Variants in LGSN observed in about 807,000 individuals in gnomAD.
LGSN encodes lengsin, lens protein with glutamine synthetase domain.
A neutral mutation model predicts 19.5 loss-of-function variants in LGSN; 21 were observed. That is an observed-to-expected ratio of 1.07 (90% CI 0.76 to 1.55). The LOEUF is 1.55. LGSN is among the 40% of genes most tolerant of loss of function. The pLI, the probability that LGSN is intolerant of heterozygous loss-of-function variation, is 0.00. For synonymous variants in LGSN, 257 were observed against 215.6 expected (o/e 1.19, Z -1.68); for missense variants, 673 against 608.5 (o/e 1.11, Z -1.12).
At chr6:63,412,575 G>GAAAGAAAGAAAGAAAGA in the LGSN span, among the ~76,000 whole-genome samples, 72 of 90,126 alleles carry the variant, frequency 8.0e-4, no homozygotes, top group African/African-American at 3.8e-3. Flanking sequence ...AGAAAGGAAG[G>GAAAGAAAGAAAGAAAGA]AAGGAAAGAA....
the LGSN span, among the ~76,000 whole-genome samples, chr6:63,565,751 C>T: frequency 1.3e-5 from 2 of 152,000 alleles, no homozygotes; most frequent in African/African-American, 4.8e-5. Context: ...TCTAAATTTC[C>T]CACAGAAATT....
chr6:63,386,530 C>G, the LGSN span, among the ~76,000 whole-genome samples: 1 of 152,086 alleles, frequency 6.6e-6, no homozygotes, highest in Non-Finnish European at 1.5e-5. Flanking sequence ...TTTTGCATCA[C>G]TTTTCGTCAG....
At chr6:63,341,380 G>A in the LGSN span, among the ~76,000 whole-genome samples, 352 of 152,330 alleles carry the variant, frequency 2.3e-3, 4 homozygotes, top group African/African-American at 8.2e-3. Context: ...GGCTAGGCAG[G>A]CCTGTCCTTA....
upstream of LGSN, among the ~76,000 whole-genome samples, chr6:63,320,623 C>T (rs1191325730): frequency 6.6e-6 from 1 of 152,196 alleles, no homozygotes; most frequent in Admixed American, 6.5e-5. Flanking sequence ...ACAATCCTAA[C>T]TCAGTAGAGG....
the LGSN span, among the ~76,000 whole-genome samples, chr6:63,525,702 T>C: frequency 6.6e-6 from 1 of 152,180 alleles, no homozygotes; most frequent in South Asian, 2.1e-4. Context: ...CCTTTCACCT[T>C]TCCCCCCAGG....
the LGSN span, among the ~76,000 whole-genome samples, chr6:63,504,152 T>C: frequency 6.6e-6 from 1 of 152,088 alleles, no homozygotes; most frequent in African/African-American, 2.4e-5. Context: ...AAATCTTTTT[T>C]TTTGAAACAG....
the LGSN span, chr6:63,549,491 C>A: frequency 5.1e-6 from 4 of 779,908 alleles, no homozygotes; most frequent in Non-Finnish European, 8.9e-6. Context: ...TTCCCTTGGC[C>A]TTCTTTCCTT....
chr6:63,552,528 C>G, the LGSN span, among the ~76,000 whole-genome samples: 1 of 152,142 alleles, frequency 6.6e-6, no homozygotes, highest in East Asian at 1.9e-4. Context: ...TGCAGAAGCT[C>G]TTTAGTTTAA....
At chr6:63,509,557 TA>T in the LGSN span, among the ~76,000 whole-genome samples, 3 of 152,184 alleles carry the variant, frequency 2.0e-5, no homozygotes, top group Non-Finnish European at 2.9e-5. Flanking sequence ...GTTTTTGTAT[TA>T]TTTTATATAG....
At chr6:63,380,085 G>A in the LGSN span, among the ~76,000 whole-genome samples, 5 of 152,060 alleles carry the variant, frequency 3.3e-5, no homozygotes, top group East Asian at 1.9e-4. Context: ...GTGATCCACC[G>A]CCTTGGCCTC....
chr6:63,422,166 C>A, the LGSN span, among the ~76,000 whole-genome samples: 1 of 152,166 alleles, frequency 6.6e-6, no homozygotes, highest in Non-Finnish European at 1.5e-5. Context: ...CGGGTTCAAG[C>A]GATCCTCCCA....
At chr6:63,354,124 C>T in the LGSN span, among the ~76,000 whole-genome samples, 1 of 151,860 alleles carries the variant, frequency 6.6e-6, no homozygotes, top group Non-Finnish European at 1.5e-5. Context: ...GTACAGGTAA[C>T]AAAAATAAAA....
At chr6:63,380,437 G>A in the LGSN span, among the ~76,000 whole-genome samples, 2 of 152,154 alleles carry the variant, frequency 1.3e-5, no homozygotes, top group East Asian at 3.9e-4. Context: ...TCCTCCCTAG[G>A]GCACAGACCT....
chr6:63,283,639 TG>T (rs1767409788), intron 3 of LGSN, among the ~76,000 whole-genome samples: 1 of 147,442 alleles, frequency 6.8e-6, no homozygotes, highest in Non-Finnish European at 1.5e-5. Context: ...TTTTTTGAGA[TG>T]GAATAAGGTA....
At chr6:63,556,224 A>G in the LGSN span, among the ~76,000 whole-genome samples, 2 of 151,748 alleles carry the variant, frequency 1.3e-5, no homozygotes, top group East Asian at 1.9e-4. Flanking sequence ...CAGTGCCACA[A>G]TCACAGCTCA....
chr6:63,513,932 A>AAAAAAAAAAAAAAAAAAAC, the LGSN span, among the ~76,000 whole-genome samples: 2 of 114,494 alleles, frequency 1.7e-5, no homozygotes, highest in Non-Finnish European at 3.5e-5. Flanking sequence ...AAAAAAAAAA[A>AAAAAAAAAAAAAAAAAAAC]AAAACACTGG....
the LGSN span, among the ~76,000 whole-genome samples, chr6:63,560,085 A>G: frequency 6.6e-6 from 1 of 152,194 alleles, no homozygotes; most frequent in Non-Finnish European, 1.5e-5. Flanking sequence ...CATAGTTTTC[A>G]TCATTTACAA....
At chr6:63,424,458 C>A in the LGSN span, among the ~76,000 whole-genome samples, 2 of 149,440 alleles carry the variant, frequency 1.3e-5, no homozygotes, top group African/African-American at 5.1e-5. Context: ...GAGTAAGGAA[C>A]CCTTCCCAGT....
chr6:63,408,537 G>T, the LGSN span, among the ~76,000 whole-genome samples: 2 of 147,036 alleles, frequency 1.4e-5, no homozygotes, highest in African/African-American at 5.3e-5. Context: ...ATTCAAGATG[G>T]ATTAAAGACT....
Sources: allele counts gnomAD v4.1 joint callset (sites outside exome capture counted in the v4.1 genomes callset), GRCh38; gene constraint gnomAD v4.1.1; transcripts MANE v1.5; gene names NCBI Gene and HGNC (gene_info 2026-07-23, HGNC 2026-07-21).